Variants in SLC25A21 observed in about 807,000 individuals in gnomAD.
SLC25A21 encodes mitochondrial 2-oxodicarboxylate carrier.
SLC25A21 carries 47 observed loss-of-function variants against 43.8 expected under a neutral mutation model. The observed-to-expected ratio is 1.07, with a 90% confidence interval of 0.85 to 1.37. The LOEUF (loss-of-function observed/expected upper bound fraction) is 1.37, where lower values mean the gene tolerates loss of function less well. Ranked by LOEUF, SLC25A21 falls within the 40% of genes most tolerant of loss-of-function variation. The pLI, the probability that SLC25A21 is intolerant of heterozygous loss-of-function variation, is 0.00. For synonymous variants in SLC25A21, 131 were observed against 121.3 expected (o/e 1.08, Z -0.52); for missense variants, 352 against 350.2 (o/e 1.00, Z -0.04).
chr14:36,859,913 A>G (rs1274244226), intron 2 of SLC25A21, among the ~76,000 whole-genome samples: 1 of 152,168 alleles, frequency 6.6e-6, no homozygotes, highest in African/African-American at 2.4e-5. Flanking sequence ...AATGACATTT[A>G]TTCAATCATT....
intron 1 of SLC25A21, among the ~76,000 whole-genome samples, chr14:36,999,223 T>G (rs1960435613): frequency 6.6e-6 from 1 of 152,098 alleles, no homozygotes; most frequent in African/African-American, 2.4e-5. Context: ...TATCAAGCCA[T>G]GAAAATATAT....
chr14:36,728,587 G>T (rs556585396), intron 5 of SLC25A21, among the ~76,000 whole-genome samples: 1 of 152,272 alleles, frequency 6.6e-6, no homozygotes, highest in East Asian at 1.9e-4. Context: ...ACATTGCTTT[G>T]TTATAACAAA....
intron 1 of SLC25A21, among the ~76,000 whole-genome samples, chr14:37,129,341 T>C (rs954293597): frequency 6.6e-6 from 1 of 152,218 alleles, no homozygotes; most frequent in African/African-American, 2.4e-5. Context: ...TTGGAGACGA[T>C]ATTGTCCTTT....
At chr14:37,073,386 T>A (rs1235533258) in intron 1 of SLC25A21, among the ~76,000 whole-genome samples, 1 of 152,208 alleles carries the variant, frequency 6.6e-6, no homozygotes, top group Admixed American at 6.5e-5. Flanking sequence ...TATCTATATA[T>A]GCAATTTTTT....
chr14:37,018,752 G>A (rs902280677), intron 1 of SLC25A21, among the ~76,000 whole-genome samples: 5 of 150,532 alleles, frequency 3.3e-5, no homozygotes, highest in Admixed American at 2.7e-4. Flanking sequence ...CTAAGTGCGT[G>A]GCTTCCCTTT....
At chr14:36,878,104 C>T (rs940517557) in intron 1 of SLC25A21, among the ~76,000 whole-genome samples, 4 of 152,090 alleles carry the variant, frequency 2.6e-5, no homozygotes, top group Non-Finnish European at 5.9e-5. Flanking sequence ...GCACTGATGT[C>T]CCAGCCCTCT....
At chr14:37,098,742 TAGATAGACAGACAGACAGAC>T (rs1452881276) in intron 1 of SLC25A21, among the ~76,000 whole-genome samples, 77 of 8,638 alleles carry the variant, frequency 8.9e-3, no homozygotes, top group South Asian at 0.026. Flanking sequence ...GATAGATAGA[TAGATAGACAGACAGACAGAC>T]AGACAGACAG....
chr14:36,850,600 C>G (rs1889695971), intron 2 of SLC25A21, among the ~76,000 whole-genome samples: 1 of 152,126 alleles, frequency 6.6e-6, no homozygotes, highest in African/African-American at 2.4e-5. Flanking sequence ...ATGATGTTCA[C>G]CAGCATTGTA....
intron 1 of SLC25A21, among the ~76,000 whole-genome samples, chr14:37,137,762 T>A (rs947641851): frequency 3.9e-5 from 6 of 152,122 alleles, no homozygotes; most frequent in African/African-American, 1.4e-4. Context: ...GTAAAACATA[T>A]ATCATTAATG....
At chr14:36,724,886 G>A (rs1174157546) in intron 6 of SLC25A21, among the ~76,000 whole-genome samples, 4 of 152,040 alleles carry the variant, frequency 2.6e-5, no homozygotes, top group African/African-American at 9.7e-5. Context: ...GCAAAATAAT[G>A]TTATCACCTC....
chr14:37,052,070 A>G (rs761615043), intron 1 of SLC25A21, among the ~76,000 whole-genome samples: 1 of 140,000 alleles, frequency 7.1e-6, no homozygotes, highest in South Asian at 2.3e-4. Flanking sequence ...GGTTAAAACC[A>G]TGATTTGAAT....
intron 3 of SLC25A21, among the ~76,000 whole-genome samples, chr14:36,795,735 G>T (rs537516739): frequency 6.6e-6 from 1 of 152,268 alleles, no homozygotes; most frequent in African/African-American, 2.4e-5. Flanking sequence ...TACAAGGACA[G>T]GTGGGAGCTG....
At chr14:36,998,862 C>T (rs1960428180) in intron 1 of SLC25A21, among the ~76,000 whole-genome samples, 2 of 152,084 alleles carry the variant, frequency 1.3e-5, no homozygotes, top group Non-Finnish European at 1.5e-5. Flanking sequence ...CAGCATTACA[C>T]ATCTATTAGG....
intron 1 of SLC25A21, among the ~76,000 whole-genome samples, chr14:36,894,968 C>T (rs1033355229): frequency 1.3e-5 from 2 of 152,026 alleles, no homozygotes; most frequent in African/African-American, 2.4e-5. Context: ...ATTTTTGCAT[C>T]GATGTTCATC....
chr14:36,902,328 C>T (rs1891417643), intron 1 of SLC25A21, among the ~76,000 whole-genome samples: 1 of 152,140 alleles, frequency 6.6e-6, no homozygotes, highest in African/African-American at 2.4e-5. Flanking sequence ...CCAGCCATCC[C>T]AGTGATTACA....
At chr14:36,976,742 G>A (rs147782856) in intron 1 of SLC25A21, among the ~76,000 whole-genome samples, 250 of 152,256 alleles carry the variant, frequency 1.6e-3, no homozygotes, top group East Asian at 9.5e-3. Flanking sequence ...GCTTGACCTC[G>A]GAAGGAACCA....
intron 1 of SLC25A21, among the ~76,000 whole-genome samples, chr14:37,046,862 TTGAAC>T (rs1433229059): frequency 1.3e-5 from 2 of 152,174 alleles, no homozygotes; most frequent in African/African-American, 4.8e-5. Flanking sequence ...GCTGCAAATG[TTGAAC>T]TGTTTCTACC....
At chr14:36,820,007 G>A (rs142727915) in intron 2 of SLC25A21, among the ~76,000 whole-genome samples, 4 of 152,116 alleles carry the variant, frequency 2.6e-5, no homozygotes, top group African/African-American at 7.2e-5. Context: ...CATAGCACAC[G>A]ACTCTGCTTT....
intron 1 of SLC25A21, among the ~76,000 whole-genome samples, chr14:37,027,193 T>C (rs149228243): frequency 2.6e-5 from 4 of 152,200 alleles, no homozygotes; most frequent in Non-Finnish European, 5.9e-5. Flanking sequence ...ACAATTTAAA[T>C]GAGAACATAC....
Sources: allele counts gnomAD v4.1 joint callset (sites outside exome capture counted in the v4.1 genomes callset), GRCh38; gene constraint gnomAD v4.1.1; transcripts MANE v1.5; gene names NCBI Gene and HGNC (gene_info 2026-07-23, HGNC 2026-07-21).